The following KCNH3 variants were observed in gnomAD, a reference collection of about 807,000 sequenced individuals.
KCNH3 encodes the protein voltage-gated inwardly rectifying potassium channel KCNH3.
In KCNH3, 36 loss-of-function variants were observed where a neutral mutation model predicts 95.6. The observed-to-expected ratio is 0.38, with a 90% CI of 0.29 to 0.50. The LOEUF (loss-of-function observed/expected upper bound fraction) is 0.50. KCNH3 is among the 20% of genes least tolerant of loss of function. The pLI is 0.95. For synonymous variants in KCNH3, 620 were observed against 646.3 expected, an observed-to-expected ratio of 0.96 and a Z score of 0.62; for missense variants, 1,030 against 1,484.1, an observed-to-expected ratio of 0.69 and a Z score of 5.03.
In KCNH3 at chr12:49,541,681, G is replaced by C; in HGVS notation, c.362G>C (p.Gly121Ala). 1 of 1,614,218 alleles carries C rather than the reference G, an allele frequency of 6.2e-7. No homozygotes were observed. The highest frequency in any genetic ancestry group is 8.5e-7 in the Non-Finnish European group (1 of 1,180,036). Reference protein sequence around the residue: ...LDVIPIKNEKGEVALFLVSHK... With the variant: ...LDVIPIKNEKAEVALFLVSHK... Reference sequence around the variant, plus strand: ...GTGATACCCATAAAGAATGAGAAAGGGGAGGTGGCTCTCTTCCTAGTCTCT... The same window carrying C: ...GTGATACCCATAAAGAATGAGAAAGCGGAGGTGGCTCTCTTCCTAGTCTCT... Residue 121 changes from glycine (G) to alanine (A), a missense_variant, in exon 3 of 15, where the codon GGG becomes GCG. Gly to Ala is a moderately conservative substitution (Grantham distance 60, BLOSUM62 0). Transcript: ENST00000257981.
chr12:49,544,134 G>A lies in KCNH3; in HGVS notation c.982-41G>A, dbSNP rs565383685. 8.1e-3 allele frequency: 12,924 copies of A among 1,597,044 alleles called. 78 individuals carry two copies. Among genetic ancestry groups the A allele is most frequent in the Non-Finnish European group, 9.1e-3 (10,628 of 1,170,942 alleles). On this transcript the variant is annotated intron_variant, in intron 6 of 14. Coordinates refer to ENST00000257981, the MANE Select transcript of KCNH3 (RefSeq NM_012284.3). ...GCCAGGGGACAGGCAGGGCCGGCCC[G>A]CTGACCTCCCTCCCTCCCTCCCTCC...
chr12:49,550,409 G>A lies in KCNH3; in HGVS notation c.1918+80G>A, dbSNP rs1048472998. 7.3e-6 allele frequency: 11 copies of A among 1,497,608 alleles called. No individual in the cohort carries two copies. In the African/African-American group the frequency reaches 1.5e-4, roughly 21 times the overall value. 92.8% of individuals were successfully genotyped at this position (1,497,608 alleles called of 1,614,324 possible). A position where few individuals can be genotyped will look rare whatever the true frequency, so the allele number is the denominator to read the frequency against. On this transcript the variant is annotated intron_variant, in intron 10 of 14. Coordinates refer to ENST00000257981, the MANE Select transcript of KCNH3 (RefSeq NM_012284.3). ...CTGATCTGTGGAAAACCTGGAGAGG[G>A]GACCTCCACAAGGCCACTGAGAGAG...
At chr12:49,550,446 G>C (rs1345237913) in intron 10 of KCNH3, 117 bp downstream of exon 10, 6 of 1,324,686 alleles carry the variant, frequency 4.5e-6, no homozygotes, top group Non-Finnish European at 6.1e-6. Context: ...AACAGCCAGG[G>C]TGGAGTCAGG....
At chr12:49,548,217 G>A (rs1172818533) in intron 7 of KCNH3, among the ~76,000 whole-genome samples, 2 of 152,222 alleles carry the variant, frequency 1.3e-5, no homozygotes, top group Non-Finnish European at 2.9e-5. Flanking sequence ...GTGACAGTGT[G>A]TAGGTACCAG....
Position 49,549,466 on chromosome 12 carries a change from G to C in KCNH3, c.1494G>C (p.Gly498=), listed in dbSNP as rs1938184336. The C allele has an allele frequency of 6.2e-7, 1 of 1,613,400 alleles. No individual in the cohort carries two copies. Among genetic ancestry groups the C allele is most frequent in the Non-Finnish European group, 8.5e-7 (1 of 1,180,026 alleles). The change falls in exon 9 of 15, where the codon GGG becomes GGC. Residue 498 remains glycine (G), a synonymous_variant. Coordinates refer to ENST00000257981, the MANE Select transcript of KCNH3 (RefSeq NM_012284.3). ...IGALMHAVVF[G]NVTAIIQRMY... ...CCCTGATGCACGCGGTGGTGTTTGG[G>C]AACGTGACGGCCATCATCCAGCGCA...
chr12:49,547,714 G>A (rs150308336), intron 7 of KCNH3, among the ~76,000 whole-genome samples: 168 of 152,248 alleles, frequency 1.1e-3, no homozygotes, highest in African/African-American at 3.9e-3. Flanking sequence ...TGAAGTGTTG[G>A]GGAGAGTCTG....
chr12:49,549,400 C>T (rs751025859), intron 8 of KCNH3, 41 bp from the exon 9 acceptor site: 22 of 1,601,884 alleles, frequency 1.4e-5, no homozygotes, highest in Middle Eastern at 1.7e-4. Flanking sequence ...TCAGGCCGGG[C>T]CAGGTCCCCT....
At chr12:49,545,011 G>A (rs554337723) in intron 7 of KCNH3, among the ~76,000 whole-genome samples, 4 of 151,908 alleles carry the variant, frequency 2.6e-5, no homozygotes, top group African/African-American at 9.7e-5. Flanking sequence ...CACCCAAAAT[G>A]TCACCTGGAA....
At position 49,557,954 on chromosome 12, in the gene KCNH3, G is replaced by C; in HGVS notation, c.*1G>C. ...CCAGGAAGAAGGCACAGGGGTCTGAGTACCAGCCCTAGAACTCAGCGTTGC... is the reference window on the plus strand; with the variant it reads ...CCAGGAAGAAGGCACAGGGGTCTGACTACCAGCCCTAGAACTCAGCGTTGC... On this transcript the variant is annotated 3_prime_UTR_variant, in exon 15 of 15. Coordinates refer to ENST00000257981, the MANE Select transcript of KCNH3 (RefSeq NM_012284.3). The C allele has an allele frequency of 6.7e-7, 1 of 1,501,154 alleles. No homozygotes were observed. Among genetic ancestry groups the C allele is most frequent in the Non-Finnish European group, 8.9e-7 (1 of 1,124,812 alleles). 93.0% of individuals were successfully genotyped at this position (1,501,154 alleles called of 1,614,324 possible).
Position 49,539,281 on chromosome 12 carries a change from C to G in KCNH3, c.-136C>G, listed in dbSNP as rs1937783459. The G allele has an allele frequency of 2.9e-6, 1 of 346,170 alleles. No individual in the cohort carries two copies. Among genetic ancestry groups the G allele is most frequent in the Non-Finnish European group, 4.8e-6 (1 of 207,362 alleles). The allele number at this position is 346,170 out of a possible 1,614,324, so 21.4% of individuals were successfully genotyped here. A position where few individuals can be genotyped will look rare whatever the true frequency, so the allele number is the denominator to read the frequency against. On this transcript the variant is annotated 5_prime_UTR_variant, in exon 1 of 15. Coordinates refer to ENST00000257981, the MANE Select transcript of KCNH3 (RefSeq NM_012284.3). The surrounding 1 kb of genome is among the most constrained non-coding windows in gnomAD (Gnocchi z 6.7). ...CAGCGTCCGGCGCGACCCCGGATCC[C>G]GGTCTGCGCATTGCCCCCCGACGGC... is the stretch of plus-strand genomic sequence containing the variant.
In KCNH3 at chr12:49,543,469, C is replaced by T. The variant is rs766513842; in HGVS notation, c.774C>T (p.Arg258=). Residue 258 remains arginine (R), a synonymous_variant, in exon 5 of 15, where the codon CGC becomes CGT. Coordinates refer to ENST00000257981, the MANE Select transcript of KCNH3 (RefSeq NM_012284.3). ...CAGCACGGGAGCCCAGTGCCGCCCG[C>T]GGCCCGCCCAGCGTCTGTGACCTGG... is the stretch of plus-strand genomic sequence containing the variant. The part of the protein sequence containing the change: ...VSTAREPSAA[R]GPPSVCDLAV... 34 of 1,601,560 alleles carry T rather than the reference C, an allele frequency of 2.1e-5. No individual in the cohort carries two copies. The highest frequency in any genetic ancestry group is 3.3e-4 in the Middle Eastern group (2 of 6,072).
Position 49,544,021 on chromosome 12 carries a change from T to C in KCNH3, c.930T>C (p.Asp310=). 6.2e-7 allele frequency: 1 copy of C among 1,613,910 alleles called. No individual in the cohort carries two copies. Among genetic ancestry groups the C allele is most frequent in the East Asian group, 2.2e-5 (1 of 44,860 alleles). Residue 310 remains aspartate, a synonymous_variant, in exon 6 of 15, where the codon GAT becomes GAC. Coordinates refer to ENST00000257981, the MANE Select transcript of KCNH3 (RefSeq NM_012284.3). ...ACGTCACCACCTGGTTCCTGCTGGA[T>C]GTCATCGCAGCGCTGCCCTTTGACC... ...LHYVTTWFLL[D]VIAALPFDLL... is the part of the protein sequence containing the mutation.
chr12:49,554,639 C>T, intron 11 of KCNH3, 85 bp downstream of exon 11: 3 of 1,229,874 alleles, frequency 2.4e-6, no homozygotes, highest in Non-Finnish European at 2.3e-6. Context: ...TGGTGGAGAG[C>T]TGTGTGTGAA....
chr12:49,557,491 C>A lies in KCNH3; in HGVS notation c.2790C>A (p.Ser930Arg). Residue 930 changes from serine to arginine, a missense_variant, in exon 15 of 15, where the codon AGC becomes AGA. By Grantham distance (110) the Ser-to-Arg change is moderately radical (BLOSUM62 -1). Transcript: ENST00000257981. The stretch of plus-strand genomic sequence containing the variant: ...CGGGAGAGGGGCCGTGCCCAGCCAG[C>A]ACCTCCGGGCTTCTGCAGCCTCTGT... ...RASGEGPCPA[S>R]TSGLLQPLCV... The A allele has an allele frequency of 6.2e-7, 1 of 1,611,542 alleles. No homozygotes were observed.
At chr12:49,552,910 C>T (rs570358125) in intron 10 of KCNH3, among the ~76,000 whole-genome samples, 1 of 152,294 alleles carries the variant, frequency 6.6e-6, no homozygotes, top group Non-Finnish European at 1.5e-5. Flanking sequence ...AAGTGTTAAA[C>T]TATACTTAAG....
Position 49,541,690 on chromosome 12 carries a change from C to T in KCNH3, c.371C>T (p.Ala124Val). ...IPIKNEKGEV[A>V]LFLVSHKDIS... ...ATAAAGAATGAGAAAGGGGAGGTGG[C>T]TCTCTTCCTAGTCTCTCACAAGGAC... The change falls in exon 3 of 15, where the codon GCT (alanine) becomes GTT (valine). Residue 124 changes from alanine (A) to valine (V), a missense_variant. Physicochemically the swap from Ala to Val is moderately conservative, Grantham distance 64. Transcript: ENST00000257981. 1 of 1,614,232 alleles carries T rather than the reference C, an allele frequency of 6.2e-7. No homozygotes were observed. The highest frequency in any genetic ancestry group is 8.5e-7 in the Non-Finnish European group (1 of 1,180,032).
intron 12 of KCNH3, 53 bp downstream of exon 12, chr12:49,556,004 C>A: frequency 1.1e-6 from 1 of 880,216 alleles, no homozygotes; most frequent in Non-Finnish European, 1.8e-6. Context: ...AGGCTGAGGC[C>A]CTGGGCAGGC....
At position 49,555,625 on chromosome 12, in the gene KCNH3, C is replaced by T; in HGVS notation, c.2142C>T (p.Asp714=). The change falls in exon 12 of 15, where the codon GAC becomes GAT. Residue 714 remains aspartate (D), a synonymous_variant. Transcript: ENST00000257981. ...CTGTCCCTCACTATCCCTAGGTGGACACCAGCTCCCTGAGCGGCGACAATA... is the reference window on the plus strand; with the variant it reads ...CTGTCCCTCACTATCCCTAGGTGGATACCAGCTCCCTGAGCGGCGACAATA... ...LGAGGGSAEV[D]TSSLSGDNTL... The T allele has an allele frequency of 2.6e-6, 4 of 1,539,202 alleles. No homozygotes were observed. Among genetic ancestry groups the T allele is most frequent in the Non-Finnish European group, 3.5e-6 (4 of 1,138,078 alleles).
intron 10 of KCNH3, among the ~76,000 whole-genome samples, chr12:49,554,088 G>C (rs1238466777): frequency 6.6e-6 from 1 of 152,220 alleles, no homozygotes; most frequent in Non-Finnish European, 1.5e-5. Flanking sequence ...CAGTGGTTTT[G>C]ATCCTGAATG....
Sources: gnomAD v4.1 joint callset for allele counts (sites outside exome capture counted in the v4.1 genomes callset) on GRCh38, gnomAD v4.1.1 for gene constraint, Gnocchi (gnomAD v3.1) non-coding constraint, MANE v1.5 for transcripts, NCBI Gene and HGNC (gene_info 2026-07-23, HGNC 2026-07-21) for gene names.